Variants in TNIP1 observed in about 807,000 individuals in gnomAD.
The protein encoded by TNIP1 is TNFAIP3 interacting protein 1, also known as TNFAIP3-interacting protein 1.
TNIP1 carries 22 observed loss-of-function variants against 86.6 expected under a neutral mutation model. The ratio of observed to expected loss-of-function variants is 0.25; its 90% CI spans 0.18 to 0.36. The LOEUF (loss-of-function observed/expected upper bound fraction) is 0.36. TNIP1 is among the 10% of genes least tolerant of loss of function. The probability of loss-of-function intolerance (pLI) is 1.00; values close to 1 mark genes in which losing one functional copy is unlikely to be tolerated. For missense variants in TNIP1, 709 were observed against 820.6 expected (o/e 0.86, Z 1.66); for synonymous variants, 294 against 313.0 (o/e 0.94, Z 0.64).
At chr5:151,086,857 G>T (rs1296953768) in intron 1 of TNIP1, among the ~76,000 whole-genome samples, 2 of 152,240 alleles carry the variant, frequency 1.3e-5, no homozygotes, top group African/African-American at 4.8e-5. Context: ...GAACGAGATG[G>T]GGGAGAGAAG....
chr5:151,050,665 G>A (rs1342156597), intron 7 of TNIP1, among the ~76,000 whole-genome samples: 14 of 152,070 alleles, frequency 9.2e-5, no homozygotes, highest in Non-Finnish European at 1.9e-4. Context: ...ATAGGGTCTC[G>A]TTCTGTCACC....
chr5:151,045,965 A>G lies in TNIP1; in HGVS notation c.847-15T>C, dbSNP rs1334037878. 1 of 1,613,010 alleles carries G rather than the reference A, an allele frequency of 6.2e-7. No individual in the cohort carries two copies. The highest frequency in any genetic ancestry group is 1.3e-5 in the African/African-American group (1 of 74,892). On this transcript the variant is annotated splice_polypyrimidine_tract_variant and intron_variant, in intron 8 of 17. Coordinates refer to ENST00000521591, the MANE Select transcript of TNIP1 (RefSeq NM_006058.5). ...GTCACACTAGCCTGGGGAGAAGCAC[A>G]GAGGAGCCTTCACCAAAACCTCAAT...
At chr5:151,074,372 A>C (rs1763150299) in intron 1 of TNIP1, among the ~76,000 whole-genome samples, 2 of 152,232 alleles carry the variant, frequency 1.3e-5, no homozygotes. Context: ...CCCTGCCTCC[A>C]AGAGGTAAGA....
chr5:151,086,600 TACAC>T (rs1332197887), intron 1 of TNIP1, among the ~76,000 whole-genome samples: 14 of 152,150 alleles, frequency 9.2e-5, no homozygotes, highest in African/African-American at 1.9e-4. Flanking sequence ...CACACACAAA[TACAC>T]ACAGTCACCA....
intron 8 of TNIP1, among the ~76,000 whole-genome samples, chr5:151,047,451 C>G (rs1210877567): frequency 6.6e-6 from 1 of 152,184 alleles, no homozygotes; most frequent in South Asian, 2.1e-4. Context: ...GAAGAGACAA[C>G]TGAATGCAAT....
upstream of TNIP1, among the ~76,000 whole-genome samples, chr5:151,081,443 C>G (rs1202027004): frequency 6.6e-6 from 1 of 152,144 alleles, no homozygotes; most frequent in Non-Finnish European, 1.5e-5. Context: ...GCATTTGGCC[C>G]TAAGCCAGAG....
chr5:151,032,062 G>A, intron 17 of TNIP1: 1 of 552,836 alleles, frequency 1.8e-6, no homozygotes, highest in Non-Finnish European at 3.2e-6. Flanking sequence ...GGCATCCATA[G>A]CACCTAGCAC....
At chr5:151,037,626 ATCT>A (rs1757883646) in intron 12 of TNIP1, among the ~76,000 whole-genome samples, 1 of 152,258 alleles carries the variant, frequency 6.6e-6, no homozygotes, top group African/African-American at 2.4e-5. Flanking sequence ...GTGTGCCCAC[ATCT>A]TCTTAAAGGT....
chr5:151,063,198 G>A (rs1018919077), intron 3 of TNIP1, among the ~76,000 whole-genome samples: 7 of 152,186 alleles, frequency 4.6e-5, no homozygotes, highest in East Asian at 1.9e-4. Flanking sequence ...TAAAATGGAC[G>A]CGCAGGGCAC....
chr5:151,072,108 T>C (rs1762882163), intron 1 of TNIP1, among the ~76,000 whole-genome samples: 1 of 152,222 alleles, frequency 6.6e-6, no homozygotes, highest in African/African-American at 2.4e-5. Context: ...TGCCTGAGAA[T>C]ACACAGCTGG....
chr5:151,081,560 A>G (rs187753002), upstream of TNIP1, among the ~76,000 whole-genome samples: 1,095 of 152,312 alleles, frequency 7.2e-3, 9 homozygotes, highest in African/African-American at 0.025. Flanking sequence ...TACCGCGAAC[A>G]TTTTTTGCTC....
At chr5:151,084,311 G>C (rs1561554611), upstream of TNIP1, among the ~76,000 whole-genome samples, 1 of 152,082 alleles carries the variant, frequency 6.6e-6, no homozygotes, top group East Asian at 1.9e-4. Flanking sequence ...CAGGTGTGGT[G>C]GTGGGCGCCT....
intron 13 of TNIP1, 58 bp downstream of exon 13, chr5:151,036,732 A>C: frequency 6.2e-7 from 1 of 1,611,792 alleles, no homozygotes; most frequent in Non-Finnish European, 8.5e-7. Flanking sequence ...CTGGGCCCTC[A>C]GGAAAGCTCC....
intron 6 of TNIP1, among the ~76,000 whole-genome samples, chr5:151,055,162 G>A (rs1029778169): frequency 1.3e-5 from 2 of 152,088 alleles, no homozygotes; most frequent in African/African-American, 4.8e-5. Context: ...GAACTGGGAC[G>A]CAACAGTGAA....
At position 151,049,909 on chromosome 5, in the gene TNIP1, T is replaced by C. The variant is rs779851891; in HGVS notation, c.761A>G (p.Asn254Ser). 1.2e-5 allele frequency: 19 copies of C among 1,614,090 alleles called. No individual in the cohort carries two copies. The highest frequency in any genetic ancestry group is 3.3e-4 in the Middle Eastern group (2 of 6,084). ...CCCAGACGCACCCTCTTTGTTGCCA[T>C]TGCTCATCAACAACTTCTTGAGCTC... ...NLELKKLLMS[N>S]GNKEGASGRP... is the part of the protein sequence containing the mutation. Residue 254 changes from asparagine to serine, a missense_variant, in exon 8 of 18, where the codon AAT (asparagine) becomes AGT (serine). Coordinates refer to ENST00000521591, the MANE Select transcript of TNIP1 (RefSeq NM_006058.5).
intron 5 of TNIP1, among the ~76,000 whole-genome samples, chr5:151,059,611 T>C (rs1203067294): frequency 2.6e-5 from 4 of 152,030 alleles, no homozygotes; most frequent in Admixed American, 6.5e-5. Context: ...ATGGAGAAGG[T>C]AGAAATTTAA....
At chr5:151,075,157 C>T (rs915965830) in intron 1 of TNIP1, among the ~76,000 whole-genome samples, 1 of 151,696 alleles carries the variant, frequency 6.6e-6, no homozygotes, top group Admixed American at 6.6e-5. Context: ...TAAAGAAATG[C>T]AAGAAAAAAA....
intron 8 of TNIP1, 148 bp from the exon 9 acceptor site, chr5:151,046,098 C>G: frequency 1.5e-6 from 1 of 658,056 alleles, no homozygotes; most frequent in Admixed American, 2.4e-5. Context: ...ACTAACCATC[C>G]CAGTCATGAC....
intron 15 of TNIP1, 85 bp downstream of exon 15, chr5:151,034,917 G>A (rs1282532239): frequency 1.1e-5 from 17 of 1,496,610 alleles, no homozygotes; most frequent in East Asian, 6.8e-5. Flanking sequence ...CCCCACGCCC[G>A]AGCACACACT....
Sources: allele counts gnomAD v4.1 joint callset (sites outside exome capture counted in the v4.1 genomes callset), GRCh38; gene constraint gnomAD v4.1.1; transcripts MANE v1.5; gene names NCBI Gene and HGNC (gene_info 2026-07-23, HGNC 2026-07-21).